Variants in ARL15 observed in about 807,000 individuals in gnomAD.
ARL15 encodes the protein ADP-ribosylation factor-like protein 15.
A neutral mutation model predicts 25.2 loss-of-function variants in ARL15; 19 were observed. The observed-to-expected ratio is 0.75, with a 90% CI of 0.53 to 1.10. The LOEUF (loss-of-function observed/expected upper bound fraction) is 1.10, where lower values mean the gene tolerates loss of function less well. ARL15 is among the 50% of genes least tolerant of loss of function. ARL15 has a pLI of 0.00. For missense variants in ARL15, 220 were observed against 246.0 expected, an observed-to-expected ratio of 0.89 and a Z score of 0.71; for synonymous variants, 94 against 86.8, an observed-to-expected ratio of 1.08 and a Z score of -0.46.
At chr5:53,920,842 G>A (rs1468947030) in intron 4 of ARL15, among the ~76,000 whole-genome samples, 2 of 152,144 alleles carry the variant, frequency 1.3e-5, no homozygotes, top group East Asian at 1.9e-4. Context: ...AGGTGACTGA[G>A]TCTTGGGAGT....
rs561756585 is a variant in ARL15, at chr5:54,292,998, A to T, written c.48+17434T>A. ...ATTTTAATTAGAGACTGAAATGAGA[A>T]ACAACATGTTCAAATGTACTGTATA... On this transcript the variant is annotated intron_variant, in intron 1 of 4. Coordinates refer to ENST00000504924, the MANE Select transcript of ARL15 (RefSeq NM_019087.3). Among the ~76,000 whole-genome samples the T allele has an allele frequency of 4.6e-5, 7 of 152,346 alleles. No individual in the cohort carries two copies. In the East Asian group the frequency reaches 1.3e-3, roughly 29 times the overall value.
intron 3 of ARL15, among the ~76,000 whole-genome samples, chr5:54,133,392 G>A (rs1345515274): frequency 6.6e-6 from 1 of 152,166 alleles, no homozygotes. Flanking sequence ...ATAAGGAGGA[G>A]GGTAGATCAG....
chr5:54,043,587 G>T (rs1193269715), intron 4 of ARL15, among the ~76,000 whole-genome samples: 3 of 152,112 alleles, frequency 2.0e-5, no homozygotes, highest in Admixed American at 6.5e-5. Context: ...CATGATGATA[G>T]AAGTCATGGA....
intron 1 of ARL15, among the ~76,000 whole-genome samples, chr5:54,295,089 T>TGAAACAA (rs1758431989): frequency 6.6e-6 from 1 of 152,248 alleles, no homozygotes; most frequent in Admixed American, 6.5e-5. Flanking sequence ...TTAAGCAACT[T>TGAAACAA]GTTTCATTAT....
intron 1 of ARL15, among the ~76,000 whole-genome samples, chr5:54,248,983 A>T (rs987309352): frequency 6.6e-6 from 1 of 152,200 alleles, no homozygotes; most frequent in Non-Finnish European, 1.5e-5. Flanking sequence ...TGGGAGAATC[A>T]GTTGAGCCCA....
intron 4 of ARL15, among the ~76,000 whole-genome samples, chr5:54,071,816 CA>C (rs1176367583): frequency 5.9e-5 from 9 of 151,448 alleles, no homozygotes; most frequent in Middle Eastern, 6.8e-3. Flanking sequence ...CTAAAAGATA[CA>C]AAAAAATTAG....
intron 4 of ARL15, among the ~76,000 whole-genome samples, chr5:54,112,736 C>T (rs1752777118): frequency 6.6e-6 from 1 of 152,112 alleles, no homozygotes; most frequent in Non-Finnish European, 1.5e-5. Context: ...ATTTGCAAGA[C>T]ATCAATTTTC....
At chr5:54,210,205 C>A (rs913472632) in intron 1 of ARL15, among the ~76,000 whole-genome samples, 1 of 152,098 alleles carries the variant, frequency 6.6e-6, no homozygotes, top group African/African-American at 2.4e-5. Context: ...TTTAAACGTA[C>A]CCACTTCAAA....
chr5:54,128,375 C>A (rs777922526), intron 3 of ARL15, among the ~76,000 whole-genome samples: 128 of 152,194 alleles, frequency 8.4e-4, no homozygotes, highest in Non-Finnish European at 1.4e-3. Context: ...GTTCTGAGAC[C>A]AATTTTTCTG....
intron 1 of ARL15, among the ~76,000 whole-genome samples, chr5:54,264,551 C>G (rs1035583244): frequency 9.2e-5 from 14 of 152,272 alleles, no homozygotes; most frequent in Middle Eastern, 3.4e-3. Context: ...CCTGAAAGCC[C>G]TAGATGATCT....
intron 2 of ARL15, 123 bp downstream of exon 2, chr5:54,171,661 A>C: frequency 8.4e-7 from 1 of 1,192,178 alleles, no homozygotes; most frequent in Non-Finnish European, 1.1e-6. Flanking sequence ...ATAGTGTTTA[A>C]AATTAAAATA....
chr5:54,017,719 AG>A lies in ARL15; in HGVS notation c.462+95482del, dbSNP rs1749471050. On this transcript the variant is annotated intron_variant, in intron 4 of 4. Transcript: ENST00000504924. ...CAGTAACCAGGGTCTTTTGAAAACT[AG>A]TTTTTAAAAGGCCTCCTTTTCCTTC... Among the ~76,000 whole-genome samples, 3 of 152,196 alleles carry A rather than the reference AG, an allele frequency of 2.0e-5. No homozygotes were observed. The South Asian group carries it at 6.2e-4, about 32-fold the overall frequency.
chr5:54,044,509 C>T (rs996456123), intron 4 of ARL15, among the ~76,000 whole-genome samples: 46 of 152,064 alleles, frequency 3.0e-4, no homozygotes, highest in African/African-American at 9.6e-4. Flanking sequence ...CCTCCCAAAG[C>T]GCTGGGATTA....
intron 1 of ARL15, among the ~76,000 whole-genome samples, chr5:54,193,899 A>C (rs1755476693): frequency 6.6e-6 from 1 of 152,120 alleles, no homozygotes; most frequent in African/African-American, 2.4e-5. Flanking sequence ...AGCTTGGTTG[A>C]ATTTTTTTAA....
chr5:54,303,840 G>GGGCTGA (rs1159219964), intron 1 of ARL15, among the ~76,000 whole-genome samples: 3 of 152,122 alleles, frequency 2.0e-5, no homozygotes, highest in Non-Finnish European at 4.4e-5. Flanking sequence ...TGACACTAGG[G>GGGCTGA]GGCTGAGTAA....
chr5:54,197,714 G>A (rs530374342), intron 1 of ARL15, among the ~76,000 whole-genome samples: 1 of 152,158 alleles, frequency 6.6e-6, no homozygotes, highest in East Asian at 1.9e-4. Context: ...TTCTACCAGA[G>A]GTACAAGGAG....
At chr5:54,128,287 T>G (rs2112267753) in intron 3 of ARL15, among the ~76,000 whole-genome samples, 1 of 152,340 alleles carries the variant, frequency 6.6e-6, no homozygotes. Flanking sequence ...TTTCAAAAGC[T>G]AGACACACAA....
In ARL15 at chr5:54,141,818, G is replaced by A. The variant is rs186610594; in HGVS notation, c.253+12762C>T. 1.9e-3 allele frequency among the ~76,000 whole-genome samples: 284 copies of A among 152,184 alleles called. 4 individuals are homozygous for A. The highest frequency in any genetic ancestry group is 0.017 in the South Asian group (83 of 4,812). ...AGAATACAAATTTATCTCAGTAGGA[G>A]AACACTATTTTATTTTGCTTGGCTT... is the stretch of plus-strand genomic sequence containing the variant. On this transcript the variant is annotated intron_variant, in intron 3 of 4. Transcript: ENST00000504924.
intron 4 of ARL15, among the ~76,000 whole-genome samples, chr5:53,972,781 G>C (rs1747794491): frequency 6.6e-6 from 1 of 152,000 alleles, no homozygotes; most frequent in South Asian, 2.1e-4. Context: ...ATGAGAATTA[G>C]TCTCACCCTC....
Sources: gnomAD v4.1 joint callset for allele counts (sites outside exome capture counted in the v4.1 genomes callset) on GRCh38, gnomAD v4.1.1 for gene constraint, MANE v1.5 for transcripts, NCBI Gene and HGNC (gene_info 2026-07-23, HGNC 2026-07-21) for gene names.